Variants in METTL23 observed in about 807,000 individuals in gnomAD.
METTL23 encodes methyltransferase 23, arginine, also known as histone-arginine methyltransferase METTL23.
In METTL23, 24 loss-of-function variants were observed where a neutral mutation model predicts 21.2. The ratio of observed to expected loss-of-function variants is 1.13; its 90% CI spans 0.82 to 1.59. METTL23 has a LOEUF of 1.59. Ranked by LOEUF, METTL23 falls within the 40% of genes most tolerant of loss-of-function variation. The pLI, the probability that METTL23 is intolerant of heterozygous loss-of-function variation, is 0.00. For synonymous variants in METTL23, 97 were observed against 75.2 expected, an observed-to-expected ratio of 1.29 and a Z score of -1.50; for missense variants, 276 against 221.4, an observed-to-expected ratio of 1.25 and a Z score of -1.57.
chr17:76,732,867 TGA>T, intron 2 of METTL23, 109 bp from the exon 3 acceptor site: 2 of 851,172 alleles, frequency 2.3e-6, no homozygotes, highest in Non-Finnish European at 3.7e-6. Context: ...CCAGAAAGAC[TGA>T]CTCTATGCTT....
At position 76,733,665 on chromosome 17, in the gene METTL23, C is replaced by T; in HGVS notation, c.552C>T (p.Ser184=). The change falls in exon 5 of 5, where the codon TCC becomes TCT. Residue 184 remains serine, a synonymous_variant. Transcript: ENST00000341249. ...ATACAGTTGAAATGCTGGTCATTTCCTTTGCAAAGGACAGTCTCTGAATTA... is the reference window on the plus strand; with the variant it reads ...ATACAGTTGAAATGCTGGTCATTTCTTTTGCAAAGGACAGTCTCTGAATTA... ...GRHTVEMLVI[S]FAKDSL is the part of the protein sequence containing the mutation. The T allele has an allele frequency of 1.2e-6, 2 of 1,613,368 alleles. No homozygotes were observed. Among genetic ancestry groups the T allele is most frequent in the South Asian group, 1.1e-5 (1 of 90,972 alleles).
At position 76,733,439 on chromosome 17, in the gene METTL23, C is replaced by A. The variant is rs147486252; in HGVS notation, c.407+62C>A. ...TAAGCCTTACTCTACCCTACCCATG[C>A]GATACATAATTTAAGAATAGAATAC... is the stretch of plus-strand genomic sequence containing the variant. On this transcript the variant is annotated intron_variant, in intron 4 of 4. Coordinates refer to ENST00000341249, the MANE Select transcript of METTL23 (RefSeq NM_001080510.5). The A allele has an allele frequency of 1.1e-5, 18 of 1,594,514 alleles. No homozygotes were observed. In the African/African-American group the frequency reaches 2.4e-4, roughly 22 times the overall value.
intron 1 of METTL23, among the ~76,000 whole-genome samples, chr17:76,728,412 AT>A (rs762643941): frequency 5.4e-4 from 8 of 14,702 alleles, no homozygotes; most frequent in Admixed American, 2.3e-3. Flanking sequence ...GGCTTCACGG[AT>A]TTTTTTTTTT....
upstream of METTL23, chr17:76,726,557 C>T: frequency 1.3e-6 from 2 of 1,484,122 alleles, no homozygotes; most frequent in Admixed American, 2.4e-5. Flanking sequence ...CCGGCCTGGG[C>T]GGCGGCGACG....
intron 1 of METTL23, among the ~76,000 whole-genome samples, chr17:76,727,977 A>G (rs1427049166): frequency 6.6e-6 from 1 of 152,194 alleles, no homozygotes; most frequent in African/African-American, 2.4e-5. Flanking sequence ...TGCTAAAGAA[A>G]CAGCTTTAGA....
At chr17:76,728,096 C>A (rs76641594) in intron 1 of METTL23, among the ~76,000 whole-genome samples, 152 of 152,244 alleles carry the variant, frequency 1.0e-3, no homozygotes, top group Admixed American at 1.9e-3. Context: ...AAAAATTAGG[C>A]ATCGTGGCTT....
upstream of METTL23, chr17:76,726,362 G>T: frequency 6.3e-7 from 1 of 1,592,430 alleles, no homozygotes; most frequent in South Asian, 1.1e-5. Context: ...CGGCCGCCGG[G>T]CTCAGCGAGA....
Position 76,733,538 on chromosome 17 carries a change from A to C in METTL23, c.425A>C (p.Glu142Ala), listed in dbSNP as rs752922760. 1 of 1,611,740 alleles carries C rather than the reference A, an allele frequency of 6.2e-7. No individual in the cohort carries two copies. Among genetic ancestry groups the C allele is most frequent in the East Asian group, 2.2e-5 (1 of 44,860 alleles). The change falls in exon 5 of 5, where the codon GAA becomes GCA. Residue 142 changes from glutamate to alanine, a missense_variant. Transcript: ENST00000341249. ...YQVRSADWSL[E>A]ALLYKWDMKC... Reference sequence around the variant, plus strand: ...TTTTTAAGTGCTGACTGGTCACTTGAAGCTTTACTCTACAAATGGGATATG... The same window carrying C: ...TTTTTAAGTGCTGACTGGTCACTTGCAGCTTTACTCTACAAATGGGATATG...
chr17:76,733,234 A>T lies in METTL23; in HGVS notation c.322+19A>T. ...CCAGAAGGTAAGCTTTTTTGGCTCA[A>T]TAGTACATTTGGCCAGTGATGCTAT... On this transcript the variant is annotated intron_variant, in intron 3 of 4. Coordinates refer to ENST00000341249, the MANE Select transcript of METTL23 (RefSeq NM_001080510.5). 1 of 1,613,140 alleles carries T rather than the reference A, an allele frequency of 6.2e-7. No homozygotes were observed. Among genetic ancestry groups the T allele is most frequent in the Non-Finnish European group, 8.5e-7 (1 of 1,179,234 alleles).
chr17:76,733,506 CTTTTTT>C lies in METTL23; in HGVS notation c.408-9_408-4del. On this transcript the variant is annotated splice_polypyrimidine_tract_variant and intron_variant, in intron 4 of 4. Coordinates refer to ENST00000341249, the MANE Select transcript of METTL23 (RefSeq NM_001080510.5). ...AAAAGGCATGACTTTAAAAGAACAACTTTTTTTTTTTAAGTGCTGACTGGTCACTTG... is the reference window on the plus strand; with the variant it reads ...AAAAGGCATGACTTTAAAAGAACAACTTTTTAAGTGCTGACTGGTCACTTG... 6 of 1,255,784 alleles carry C rather than the reference CTTTTTT, an allele frequency of 4.8e-6. No individual in the cohort carries two copies. The highest frequency in any genetic ancestry group is 1.4e-5 in the South Asian group (1 of 71,208). 77.8% of individuals were successfully genotyped at this position (1,255,784 alleles called of 1,614,324 possible). A position where few individuals can be genotyped will look rare whatever the true frequency, so the allele number is the denominator to read the frequency against.
At chr17:76,732,570 G>C (rs1196508534) in intron 2 of METTL23, 3 of 179,522 alleles carry the variant, frequency 1.7e-5, no homozygotes, top group East Asian at 3.0e-4. Flanking sequence ...TGGAACCCGG[G>C]AAGCAGAGGT....
chr17:76,730,525 A>G (rs1019191268), intron 2 of METTL23, among the ~76,000 whole-genome samples: 10 of 152,212 alleles, frequency 6.6e-5, no homozygotes, highest in African/African-American at 2.4e-4. Flanking sequence ...GCTGACCGCT[A>G]TTCTAGATGA....
chr17:76,733,497 A>G (rs2077331435), intron 4 of METTL23, 24 bp from the exon 5 acceptor site: 2 of 1,601,672 alleles, frequency 1.2e-6, no homozygotes, highest in South Asian at 2.3e-5. Flanking sequence ...CATGACTTTA[A>G]AAGAACAACT....
upstream of METTL23, chr17:76,726,415 T>A: frequency 6.2e-7 from 1 of 1,604,962 alleles, no homozygotes; most frequent in Non-Finnish European, 8.5e-7. Flanking sequence ...AGCGAGTCCT[T>A]GAGCTCCGGC....
At chr17:76,727,866 A>T (rs747423530) in intron 1 of METTL23, among the ~76,000 whole-genome samples, 1 of 152,176 alleles carries the variant, frequency 6.6e-6, no homozygotes, top group Non-Finnish European at 1.5e-5. Context: ...CTGGGATTGC[A>T]GGAGTGAGCC....
Position 76,733,019 on chromosome 17 carries a change from A to C in METTL23, c.126A>C (p.Lys42Asn). 1 of 1,593,960 alleles carries C rather than the reference A, an allele frequency of 6.3e-7. No homozygotes were observed. ...GVSLPGILAA[K>N]CGAEVILSDS... Reference sequence around the variant, plus strand: ...GCCTTCCAGGAATTTTGGCTGCCAAATGTGGTGCAGAAGTAATACTGTCAG... The same window carrying C: ...GCCTTCCAGGAATTTTGGCTGCCAACTGTGGTGCAGAAGTAATACTGTCAG... The change falls in exon 3 of 5, where the codon AAA becomes AAC. Residue 42 changes from lysine (K) to asparagine (N), a missense_variant. By Grantham distance (94) the Lys-to-Asn change is moderately conservative. Transcript: ENST00000341249.
upstream of METTL23, chr17:76,726,608 AAGTC>A: frequency 4.7e-6 from 6 of 1,266,286 alleles, no homozygotes; most frequent in Non-Finnish European, 6.3e-6. Context: ...GGCGCCTTTA[AAGTC>A]GCCTTCCAGA....
At chr17:76,726,795 G>GCCCCGCCCCGCCCCTCCCCT (rs2076952823), upstream of METTL23, 1 of 226,560 alleles carries the variant, frequency 4.4e-6, no homozygotes, top group Non-Finnish European at 8.3e-6. Flanking sequence ...TCACCGCCCC[G>GCCCCGCCCCGCCCCTCCCCT]CCCCGCCCCG....
chr17:76,728,725 A>G (rs563538323), intron 1 of METTL23, among the ~76,000 whole-genome samples: 37 of 149,820 alleles, frequency 2.5e-4, no homozygotes, highest in Non-Finnish European at 2.1e-4. Context: ...TCACGTTTAA[A>G]TACACTTGCA....
Sources: allele counts gnomAD v4.1 joint callset (sites outside exome capture counted in the v4.1 genomes callset), GRCh38; gene constraint gnomAD v4.1.1; transcripts MANE v1.5; gene names NCBI Gene and HGNC (gene_info 2026-07-23, HGNC 2026-07-21).